YIPF7: variants seen among roughly 807,000 people sequenced by gnomAD.
YIPF7 encodes the protein Yip1 domain family member 7.
YIPF7 carries 35 observed loss-of-function variants against 27.2 expected under a neutral mutation model. That is an observed-to-expected ratio of 1.29 (90% CI 0.98 to 1.70). The LOEUF is 1.70. YIPF7 is among the 40% of genes most tolerant of loss of function. The pLI, the probability that YIPF7 is intolerant of heterozygous loss-of-function variation, is 0.00. For synonymous variants in YIPF7, 137 were observed against 110.4 expected (o/e 1.24, Z -1.51); for missense variants, 358 against 303.7 (o/e 1.18, Z -1.33).
intron 2 of YIPF7, among the ~76,000 whole-genome samples, chr4:44,645,147 G>A (rs889495858): frequency 2.0e-4 from 31 of 152,152 alleles, no homozygotes; most frequent in African/African-American, 7.2e-4. Context: ...TAGCAGTTGT[G>A]GGAATGGCCT....
At chr4:44,659,847 C>G (rs997623243) in intron 2 of YIPF7, among the ~76,000 whole-genome samples, 5 of 152,008 alleles carry the variant, frequency 3.3e-5, no homozygotes, top group Non-Finnish European at 4.4e-5. Context: ...GGCGCGGTGG[C>G]TCACGCCTAT....
chr4:44,649,746 C>G (rs1354816472), intron 2 of YIPF7, among the ~76,000 whole-genome samples: 2 of 152,124 alleles, frequency 1.3e-5, no homozygotes, highest in African/African-American at 4.8e-5. Flanking sequence ...CCACTGCACT[C>G]CACTGCACTC....
intron 2 of YIPF7, among the ~76,000 whole-genome samples, chr4:44,637,773 C>T (rs561198285): frequency 2.4e-4 from 36 of 152,226 alleles, no homozygotes; most frequent in African/African-American, 8.4e-4. Context: ...GTCCCCAAAG[C>T]CCATTGTATT....
upstream of YIPF7, among the ~76,000 whole-genome samples, chr4:44,655,692 A>G (rs183676466): frequency 2.2e-3 from 329 of 152,202 alleles, 1 homozygote; most frequent in African/African-American, 7.6e-3. Context: ...TCAGAGAAGA[A>G]TAGAACGCAT....
chr4:44,653,565 G>T (rs937409178), upstream of YIPF7, among the ~76,000 whole-genome samples: 2 of 152,046 alleles, frequency 1.3e-5, no homozygotes, highest in African/African-American at 4.8e-5. Context: ...CTGAGGAAGG[G>T]CCAACCAATA....
At chr4:44,628,100 C>A (rs191351145) in intron 4 of YIPF7, among the ~76,000 whole-genome samples, 8 of 152,116 alleles carry the variant, frequency 5.3e-5, no homozygotes, top group Non-Finnish European at 8.8e-5. Context: ...ATTGACATGG[C>A]CTTACTTAGC....
At position 44,635,972 on chromosome 4, in the gene YIPF7, G is replaced by A. The variant is rs1345554138; in HGVS notation, c.230C>T (p.Ser77Leu). 6.2e-7 allele frequency: 1 copy of A among 1,613,910 alleles called. No individual in the cohort carries two copies. The highest frequency in any genetic ancestry group is 2.2e-5 in the East Asian group (1 of 44,870). The change falls in exon 3 of 6, where the codon TCA becomes TTA. Residue 77 changes from serine to leucine, a missense_variant. Ser to Leu is a moderately radical substitution (Grantham distance 145). Transcript: ENST00000415895. ...FQPASNSDYY[S>L]QSPYIDSFDE... ...AAAACTGTCAATGTAAGGAGATTGTGAATAATAATCTGAGTTGGATGCTGG... is the reference window on the plus strand; with the variant it reads ...AAAACTGTCAATGTAAGGAGATTGTAAATAATAATCTGAGTTGGATGCTGG...
chr4:44,642,989 A>G (rs1346235302), intron 2 of YIPF7, among the ~76,000 whole-genome samples: 4 of 152,206 alleles, frequency 2.6e-5, no homozygotes, highest in African/African-American at 9.6e-5. Context: ...GCATTGCTAT[A>G]CAGATACTTG....
chr4:44,647,407 T>A lies in YIPF7; in HGVS notation c.116+2578A>T, dbSNP rs556648121. ...CAATGCTACCCAAATACCAATCTTATCTGGAAAAGAGGGTTGAGAAAAGAA... is the reference window on the plus strand; with the variant it reads ...CAATGCTACCCAAATACCAATCTTAACTGGAAAAGAGGGTTGAGAAAAGAA... On this transcript the variant is annotated intron_variant, in intron 2 of 5. Coordinates refer to ENST00000415895, the MANE Select transcript of YIPF7 (RefSeq NM_182592.3). Among the ~76,000 whole-genome samples, 23 of 152,252 alleles carry A rather than the reference T, an allele frequency of 1.5e-4. 1 individual carries two copies. Among genetic ancestry groups the A allele is most frequent in the Middle Eastern group, 3.4e-3 (1 of 294 alleles).
chr4:44,633,364 C>A (rs1167967846), intron 3 of YIPF7, among the ~76,000 whole-genome samples: 2 of 151,950 alleles, frequency 1.3e-5, no homozygotes, highest in Non-Finnish European at 2.9e-5. Context: ...TAAATTAATG[C>A]AACAATAGAG....
At chr4:44,659,216 T>A (rs937465650) in intron 2 of YIPF7, among the ~76,000 whole-genome samples, 25 of 151,946 alleles carry the variant, frequency 1.6e-4, no homozygotes, top group African/African-American at 5.5e-4. Context: ...TTAAGTGCAG[T>A]AATAAATTAT....
At chr4:44,644,094 G>A (rs1560328271) in intron 2 of YIPF7, among the ~76,000 whole-genome samples, 1 of 152,146 alleles carries the variant, frequency 6.6e-6, no homozygotes, top group Non-Finnish European at 1.5e-5. Flanking sequence ...ATCTAGAAAA[G>A]CCTCAGACAT....
chr4:44,649,851 G>C, intron 2 of YIPF7, 134 bp downstream of exon 2: 1 of 573,314 alleles, frequency 1.7e-6, no homozygotes, highest in Non-Finnish European at 3.0e-6. Flanking sequence ...TTTTTTGTGG[G>C]TCTAGTTTAG....
In YIPF7 at chr4:44,622,380, A is replaced by T. The variant is rs781585187; in HGVS notation, c.*34T>A. On this transcript the variant is annotated 3_prime_UTR_variant, in exon 6 of 6. Coordinates refer to ENST00000415895, the MANE Select transcript of YIPF7 (RefSeq NM_182592.3). ...ATATTTCCAAAATAATCTGGACAGC[A>T]AACAGAGTCTTGAAATGCCATCTCA... is the stretch of plus-strand genomic sequence containing the variant. The T allele has an allele frequency of 6.9e-6, 11 of 1,594,560 alleles. No homozygotes were observed. The highest frequency in any genetic ancestry group is 8.5e-6 in the Non-Finnish European group (10 of 1,171,048).
chr4:44,630,396 A>G (rs1216440087), intron 3 of YIPF7, among the ~76,000 whole-genome samples: 1 of 152,212 alleles, frequency 6.6e-6, no homozygotes, highest in East Asian at 1.9e-4. Flanking sequence ...TACTTCCACT[A>G]TGCCTAATGA....
At chr4:44,659,301 T>C (rs7661286) in intron 2 of YIPF7, among the ~76,000 whole-genome samples, 82,895 of 151,924 alleles carry the variant, frequency 0.55, 23,568 homozygotes, top group Non-Finnish European at 0.64. Context: ...AGATGAAATG[T>C]AAAGACAATG....
upstream of YIPF7, among the ~76,000 whole-genome samples, chr4:44,655,553 C>G (rs1430584376): frequency 6.6e-6 from 1 of 151,840 alleles, no homozygotes; most frequent in African/African-American, 2.4e-5. Context: ...GCCAATAAAC[C>G]AAAAGAAAAA....
chr4:44,651,642 G>A, upstream of YIPF7: 3 of 1,561,268 alleles, frequency 1.9e-6, no homozygotes, highest in Non-Finnish European at 2.6e-6. Context: ...AAGATGACAT[G>A]CTGGCTATAT....
chr4:44,641,498 C>T (rs748000024), intron 2 of YIPF7, among the ~76,000 whole-genome samples: 4 of 152,138 alleles, frequency 2.6e-5, no homozygotes, highest in African/African-American at 7.2e-5. Context: ...CCCAGTAACA[C>T]GTTTTAAGTT....
Sources: allele counts gnomAD v4.1 joint callset (sites outside exome capture counted in the v4.1 genomes callset), GRCh38; gene constraint gnomAD v4.1.1; transcripts MANE v1.5; gene names NCBI Gene and HGNC (gene_info 2026-07-23, HGNC 2026-07-21).